PRKN: variants seen among roughly 807,000 people sequenced by gnomAD.
The protein encoded by PRKN is E3 ubiquitin-protein ligase parkin.
Under a neutral mutation model 59.5 loss-of-function variants are expected in PRKN, and 56 were observed. The observed-to-expected ratio is 0.94, with a 90% CI of 0.76 to 1.18. The LOEUF (loss-of-function observed/expected upper bound fraction) is 1.18. Ranked by LOEUF, PRKN falls within the 50% of genes most tolerant of loss-of-function variation. PRKN has a pLI of 0.00. For missense variants in PRKN, 657 were observed against 596.4 expected (o/e 1.10, Z -1.06); for synonymous variants, 250 against 222.1 (o/e 1.13, Z -1.12).
At chr6:162,270,227 G>C (rs575031263) in intron 2 of PRKN, 10 of 152,292 alleles carry the variant, frequency 6.6e-5, no homozygotes, top group African/African-American at 2.4e-4. Context: ...ATCTGGATGG[G>C]ATTGGAGACT....
At chr6:162,235,961 G>GAAAGAAAGAA (rs1562602263) in intron 3 of PRKN, among the ~76,000 whole-genome samples, 4 of 54,378 alleles carry the variant, frequency 7.4e-5, no homozygotes, top group African/African-American at 3.6e-4. Flanking sequence ...AAGAAAGGAA[G>GAAAGAAAGAA]AAAGAAAGAA....
intron 1 of PRKN, among the ~76,000 whole-genome samples, chr6:162,522,849 A>T (rs1562353885): frequency 6.6e-6 from 1 of 152,228 alleles, no homozygotes; most frequent in Non-Finnish European, 1.5e-5. Context: ...AGACTAAACA[A>T]CAACAAAAAG....
chr6:162,034,924 C>A (rs935392932), intron 5 of PRKN, among the ~76,000 whole-genome samples: 1 of 152,140 alleles, frequency 6.6e-6, no homozygotes, highest in Non-Finnish European at 1.5e-5. Context: ...TGTCTTAGTC[C>A]TTTTGCATTG....
intron 5 of PRKN, among the ~76,000 whole-genome samples, chr6:162,048,092 G>C (rs1242590991): frequency 6.6e-6 from 1 of 151,992 alleles, no homozygotes; most frequent in African/African-American, 2.4e-5. Flanking sequence ...AAAAATGTTT[G>C]ATGTATAAGA....
rs114163247 is a variant in PRKN at position 161,754,993 on chromosome 6, C to T, written c.871+30779G>A. On this transcript the variant is annotated intron_variant, in intron 7 of 11. Transcript: ENST00000366898. ...TCCCAGGGTGCCAGTATCCAGAGAG[C>T]TGACCTACCAGGGAAAGTGCTTATG... 7.7e-3 allele frequency among the ~76,000 whole-genome samples: 1,169 copies of T among 152,320 alleles called. 20 individuals carry two copies. Among genetic ancestry groups the T allele is most frequent in the African/African-American group, 0.027 (1,121 of 41,562 alleles).
At chr6:161,824,699 T>C (rs1792168897) in intron 6 of PRKN, among the ~76,000 whole-genome samples, 10 of 152,220 alleles carry the variant, frequency 6.6e-5, no homozygotes, top group Admixed American at 5.2e-4. Flanking sequence ...CTACTAATAA[T>C]GAACTGCGTG....
At chr6:162,656,814 A>G (rs1301379340) in intron 1 of PRKN, among the ~76,000 whole-genome samples, 1 of 152,120 alleles carries the variant, frequency 6.6e-6, no homozygotes. Context: ...GTATTCCAGC[A>G]TAAGACATAC....
At chr6:162,419,591 C>G (rs1788844708) in intron 2 of PRKN, among the ~76,000 whole-genome samples, 1 of 152,152 alleles carries the variant, frequency 6.6e-6, no homozygotes, top group Admixed American at 6.5e-5. Flanking sequence ...AGTCCTAGCC[C>G]TGGAACTCCA....
intron 7 of PRKN, among the ~76,000 whole-genome samples, chr6:161,773,926 G>C (rs1468392668): frequency 6.6e-6 from 1 of 152,188 alleles, no homozygotes; most frequent in Non-Finnish European, 1.5e-5. Context: ...CAGAGAGGAA[G>C]GGAGTGATGC....
chr6:161,720,691 A>G (rs567353335), intron 7 of PRKN, among the ~76,000 whole-genome samples: 2 of 152,220 alleles, frequency 1.3e-5, no homozygotes, highest in Non-Finnish European at 2.9e-5. Context: ...TCTGTCATCA[A>G]TGAAAATGCC....
chr6:162,185,179 T>C (rs1783974817), intron 4 of PRKN, among the ~76,000 whole-genome samples: 1 of 152,198 alleles, frequency 6.6e-6, no homozygotes, highest in Non-Finnish European at 1.5e-5. Context: ...TCCAATGTTA[T>C]GGATATTTTT....
At position 161,417,318 on chromosome 6, in the gene PRKN, C is replaced by T. The variant is rs1242804867; in HGVS notation, c.1084-30441G>A. On this transcript the variant is annotated intron_variant, in intron 9 of 11. Coordinates refer to ENST00000366898, the MANE Select transcript of PRKN (RefSeq NM_004562.3). The surrounding 1 kb of genome is among the most constrained non-coding windows in gnomAD (Gnocchi z 5.4). ...TACAAAAATTAGCCGGGTGTGGTGGCGCCTGCCTGTAGTCGCAGCTACTCG... is the reference window on the plus strand; with the variant it reads ...TACAAAAATTAGCCGGGTGTGGTGGTGCCTGCCTGTAGTCGCAGCTACTCG... 3.3e-5 allele frequency among the ~76,000 whole-genome samples: 5 copies of T among 151,980 alleles called. No individual in the cohort carries two copies. The highest frequency in any genetic ancestry group is 2.1e-4 in the South Asian group (1 of 4,816).
Position 161,544,490 on chromosome 6 carries a change from C to G in PRKN, c.1083+4364G>C, listed in dbSNP as rs891298775. 1.6e-5 allele frequency among the ~76,000 whole-genome samples: 2 copies of G among 128,426 alleles called. No homozygotes were observed. Among genetic ancestry groups the G allele is most frequent in the Admixed American group, 1.5e-4 (2 of 13,168 alleles). 84.3% of individuals were successfully genotyped at this position (128,426 alleles called of 152,430 possible). On this transcript the variant is annotated intron_variant, in intron 9 of 11. Transcript: ENST00000366898. The surrounding 1 kb of genome is among the most constrained non-coding windows in gnomAD (Gnocchi z 5.5). ...ATTACTCCTAGATTATTAAGATTCA[C>G]TCAACCATTTATTTTATTCATTCAT...
chr6:162,435,612 C>T (rs556829731), intron 2 of PRKN, among the ~76,000 whole-genome samples: 5 of 152,270 alleles, frequency 3.3e-5, no homozygotes, highest in South Asian at 4.1e-4. Flanking sequence ...GACTCGGACA[C>T]GTAGCAACAC....
chr6:162,233,307 T>G (rs1009586824), intron 3 of PRKN, among the ~76,000 whole-genome samples: 4 of 152,182 alleles, frequency 2.6e-5, no homozygotes, highest in Non-Finnish European at 5.9e-5. Flanking sequence ...TGCAAGTATT[T>G]CTATATGATA....
chr6:162,078,488 G>A (rs9355382), intron 4 of PRKN, among the ~76,000 whole-genome samples: 123,232 of 152,066 alleles, frequency 0.81, 50,119 homozygotes, highest in Admixed American at 0.88. Flanking sequence ...ATCTTTCCCC[G>A]AAATCATGTT....
At chr6:162,300,734 CAACT>C (rs1053370635) in intron 2 of PRKN, among the ~76,000 whole-genome samples, 77 of 152,196 alleles carry the variant, frequency 5.1e-4, no homozygotes, top group African/African-American at 1.7e-3. Flanking sequence ...TTCACAGGAC[CAACT>C]AACAGGCAAC....
intron 7 of PRKN, among the ~76,000 whole-genome samples, chr6:161,674,937 G>C (rs1785035840): frequency 6.6e-6 from 1 of 152,194 alleles, no homozygotes; most frequent in Non-Finnish European, 1.5e-5. Context: ...CAAGCCTCTT[G>C]ACAGTCACCG....
At chr6:161,398,319 T>C (rs1310925932) in intron 9 of PRKN, among the ~76,000 whole-genome samples, 1 of 152,180 alleles carries the variant, frequency 6.6e-6, no homozygotes. Context: ...CCCATCCATG[T>C]TGATAACTAA....
Sources: allele counts gnomAD v4.1 joint callset (sites outside exome capture counted in the v4.1 genomes callset), GRCh38; gene constraint gnomAD v4.1.1; non-coding constraint Gnocchi (gnomAD v3.1); transcripts MANE v1.5; gene names NCBI Gene and HGNC (gene_info 2026-07-23, HGNC 2026-07-21).